DPP6: variants seen among roughly 807,000 people sequenced by gnomAD.
DPP6 encodes the protein A-type potassium channel modulatory protein DPP6.
In DPP6, 69 loss-of-function variants were observed where a neutral mutation model predicts 122.6. The ratio of observed to expected loss-of-function variants is 0.56; its 90% CI spans 0.46 to 0.69. The LOEUF (loss-of-function observed/expected upper bound fraction) is 0.69, where lower values mean the gene tolerates loss of function less well. Among genes scored for constraint, DPP6 ranks in the 30% least tolerant of loss-of-function variants. DPP6 has a pLI of 0.00. For missense variants in DPP6, 928 were observed against 1,116.9 expected (o/e 0.83, Z 2.41); for synonymous variants, 418 against 433.1 (o/e 0.97, Z 0.43).
intron 25 of DPP6, chr7:154,889,822 A>G: frequency 2.3e-6 from 1 of 430,030 alleles, no homozygotes; most frequent in South Asian, 2.8e-5. Context: ...AGAAGAACCA[A>G]GCCAGCACCC....
intron 3 of DPP6, among the ~76,000 whole-genome samples, chr7:154,531,643 TC>T (rs1275083426): frequency 2.0e-5 from 3 of 152,168 alleles, no homozygotes; most frequent in East Asian, 1.9e-4. Flanking sequence ...GACATTTTTT[TC>T]TTTTTGACTT....
chr7:154,855,510 G>A (rs1367869441), intron 17 of DPP6, among the ~76,000 whole-genome samples: 1 of 152,192 alleles, frequency 6.6e-6, no homozygotes, highest in Non-Finnish European at 1.5e-5. Flanking sequence ...CACCTGCGAG[G>A]TTTGGGAATC....
Position 154,663,123 on chromosome 7 carries a change from A to G in DPP6, c.681-6237A>G, listed in dbSNP as rs1431317442. Among the ~76,000 whole-genome samples the G allele has an allele frequency of 4.3e-5, 3 of 69,032 alleles. 1 individual carries two copies. Among genetic ancestry groups the G allele is most frequent in the Non-Finnish European group, 1.1e-4 (3 of 26,890 alleles). The allele number at this position is 69,032 out of a possible 152,430, so 45.3% of individuals were successfully genotyped here. On this transcript the variant is annotated intron_variant, in intron 6 of 25. Coordinates refer to ENST00000377770, the MANE Select transcript of DPP6 (RefSeq NM_130797.4). ...TAGTCATGGTGAATCACCATGGCAT[A>G]TTGGCCGTAGTGTTCACGCAGTCAT...
At chr7:153,906,380 C>A (rs918877893) in intron 1 of DPP6, among the ~76,000 whole-genome samples, 1 of 152,152 alleles carries the variant, frequency 6.6e-6, no homozygotes, top group Non-Finnish European at 1.5e-5. Context: ...TCTACAGTGT[C>A]TATTATTGCA....
chr7:154,669,549 TGTG>T, intron 7 of DPP6, 108 bp downstream of exon 7: 1 of 1,405,476 alleles, frequency 7.1e-7, no homozygotes. Context: ...TGTGTGTGTG[TGTG>T]TGTGTGTGTG....
In DPP6 at chr7:154,724,193, A is replaced by T. The variant is rs1286212305; in HGVS notation, c.763-3574A>T. On this transcript the variant is annotated intron_variant, in intron 7 of 25. Transcript: ENST00000377770. ...AAGCTCCCCAGGCCATGTAATATGTATCAAAATCTGAGGACCACCAACATA... is the reference window on the plus strand; with the variant it reads ...AAGCTCCCCAGGCCATGTAATATGTTTCAAAATCTGAGGACCACCAACATA... Among the ~76,000 whole-genome samples the T allele has an allele frequency of 3.9e-4, 59 of 152,102 alleles. 1 individual carries two copies. The highest frequency in any genetic ancestry group is 2.4e-5 in the African/African-American group (1 of 41,414).
intron 5 of DPP6, among the ~76,000 whole-genome samples, chr7:154,635,029 A>G (rs1483603924): frequency 6.6e-6 from 1 of 152,168 alleles, no homozygotes; most frequent in East Asian, 1.9e-4. Context: ...AACAGCGAAC[A>G]CGGACTTCTG....
At chr7:154,730,229 A>C (rs922229930) in intron 8 of DPP6, among the ~76,000 whole-genome samples, 1 of 152,214 alleles carries the variant, frequency 6.6e-6, no homozygotes, top group Non-Finnish European at 1.5e-5. Context: ...GTGTGAGATC[A>C]GCTCAATATC....
At chr7:154,428,734 A>G (rs1225705124) in intron 1 of DPP6, among the ~76,000 whole-genome samples, 6 of 152,214 alleles carry the variant, frequency 3.9e-5, no homozygotes, top group Non-Finnish European at 1.5e-5. Flanking sequence ...GTCCTAAGTG[A>G]TATAACTCAG....
chr7:154,475,455 A>T (rs997470778), intron 3 of DPP6: 8 of 238,542 alleles, frequency 3.4e-5, no homozygotes, highest in Admixed American at 1.1e-4. Context: ...AGGCAGAAGG[A>T]CCAAAAGCAA....
chr7:153,781,994 ACACACACACACACACG>A, the DPP6 span, among the ~76,000 whole-genome samples: 3 of 118,548 alleles, frequency 2.5e-5, no homozygotes, highest in African/African-American at 9.6e-5. Flanking sequence ...ACACACACAC[ACACACACACACACACG>A]CCTGACATTT....
At chr7:154,141,093 A>G (rs1795819214) in intron 1 of DPP6, among the ~76,000 whole-genome samples, 1 of 152,204 alleles carries the variant, frequency 6.6e-6, no homozygotes, top group South Asian at 2.1e-4. Context: ...ATGTATGGAC[A>G]TTGAAGAGTT....
chr7:154,013,930 G>A lies in DPP6; in HGVS notation c.51+126196G>A, dbSNP rs190258381. 8.4e-3 allele frequency among the ~76,000 whole-genome samples: 1,274 copies of A among 151,370 alleles called. 8 individuals carry two copies. The highest frequency in any genetic ancestry group is 0.014 in the Non-Finnish European group (935 of 67,948). On this transcript the variant is annotated intron_variant, in intron 1 of 25. Transcript: ENST00000404039. The stretch of plus-strand genomic sequence containing the variant: ...AGGGAGGAGTGACCAGCCACCGAGG[G>A]CCACCTCCTGCTCTTCTTTCCTCTC...
intron 1 of DPP6, among the ~76,000 whole-genome samples, chr7:154,359,850 C>T (rs770319088): frequency 1.3e-5 from 2 of 152,146 alleles, no homozygotes; most frequent in African/African-American, 2.4e-5. Flanking sequence ...AACGTTTTGA[C>T]TAATCAAGGA....
At chr7:154,357,448 G>A (rs1344369117) in intron 1 of DPP6, among the ~76,000 whole-genome samples, 2 of 151,998 alleles carry the variant, frequency 1.3e-5, no homozygotes, top group East Asian at 1.9e-4. Flanking sequence ...TTGCATCAAC[G>A]GCTTTGGTAA....
intron 1 of DPP6, among the ~76,000 whole-genome samples, chr7:153,991,826 A>G (rs1036283363): frequency 6.6e-6 from 1 of 151,758 alleles, no homozygotes; most frequent in East Asian, 1.9e-4. Flanking sequence ...CTTCCCCACA[A>G]CTACTCTCCA....
chr7:154,205,543 C>G (rs1172940797), intron 1 of DPP6, among the ~76,000 whole-genome samples: 1 of 152,080 alleles, frequency 6.6e-6, no homozygotes, highest in Admixed American at 6.5e-5. Context: ...TTCTGAAATC[C>G]TAGAGTCCAA....
the DPP6 span, among the ~76,000 whole-genome samples, chr7:153,774,167 A>C: frequency 6.6e-6 from 1 of 151,806 alleles, no homozygotes; most frequent in East Asian, 1.9e-4. Flanking sequence ...CTGGAAGCCA[A>C]ATATGAGGAT....
At chr7:154,508,165 A>G (rs1487759515) in intron 3 of DPP6, among the ~76,000 whole-genome samples, 1 of 152,128 alleles carries the variant, frequency 6.6e-6, no homozygotes, top group Non-Finnish European at 1.5e-5. Context: ...CTTGCCTTCC[A>G]GCTTGGGATA....
Sources: gnomAD v4.1 joint callset for allele counts (sites outside exome capture counted in the v4.1 genomes callset) on GRCh38, gnomAD v4.1.1 for gene constraint, MANE v1.5 for transcripts, NCBI Gene and HGNC (gene_info 2026-07-23, HGNC 2026-07-21) for gene names.